Variants in ZNF549 observed in about 807,000 individuals in gnomAD.
ZNF549 encodes zinc finger protein 549.
Under a neutral mutation model 11.1 loss-of-function variants are expected in ZNF549, and 11 were observed. The observed-to-expected ratio is 0.99, with a 90% confidence interval of 0.62 to 1.64. ZNF549 has a LOEUF of 1.64. Among genes scored for constraint, ZNF549 ranks in the 40% most tolerant of loss-of-function variants. ZNF549 has a pLI of 0.00. For synonymous variants in ZNF549, 266 were observed against 269.1 expected, an observed-to-expected ratio of 0.99 and a Z score of 0.11; for missense variants, 748 against 765.1, an observed-to-expected ratio of 0.98 and a Z score of 0.26.
Position 57,539,649 on chromosome 19 carries a change from G to T in ZNF549, c.*722G>T, listed in dbSNP as rs1568591800. 6.6e-6 allele frequency: 1 copy of T among 152,172 alleles called. No homozygotes were observed. The highest frequency in any genetic ancestry group is 1.5e-5 in the Non-Finnish European group (1 of 68,032). 9.4% of individuals were successfully genotyped at this position (152,172 alleles called of 1,614,324 possible). On this transcript the variant is annotated 3_prime_UTR_variant, in exon 4 of 4. Transcript: ENST00000376233. ...GGTCCAGAGGTCTCCCTGAGAAGAG[G>T]CATTTGTGACAAACTCAAGTGCTGG...
At chr19:57,532,208 ATT>A (rs2089907166) in intron 2 of ZNF549, among the ~76,000 whole-genome samples, 3 of 152,090 alleles carry the variant, frequency 2.0e-5, no homozygotes, top group African/African-American at 7.2e-5. Flanking sequence ...TTTCTAGTAA[ATT>A]TATTAAGATG....
chr19:57,538,406 A>G lies in ZNF549; in HGVS notation c.1402A>G (p.Thr468Ala). The part of the protein sequence containing the change: ...SDYMRHQRIH[T>A]GERAYECSDC... ...CTACATGCGACACCAGAGAATTCAC[A>G]CTGGAGAAAGGGCTTATGAATGCAG... Residue 468 changes from threonine (T) to alanine (A), a missense_variant, in exon 4 of 4, where the codon ACT becomes GCT. By Grantham distance (58) the Thr-to-Ala change is moderately conservative. Coordinates refer to ENST00000376233, the MANE Select transcript of ZNF549 (RefSeq NM_001199295.2). 1 of 1,614,200 alleles carries G rather than the reference A, an allele frequency of 6.2e-7. No individual in the cohort carries two copies. Among genetic ancestry groups the G allele is most frequent in the Non-Finnish European group, 8.5e-7 (1 of 1,180,026 alleles).
Position 57,538,230 on chromosome 19 carries a change from G to C in ZNF549, c.1226G>C (p.Arg409Thr). Residue 409 changes from arginine (R) to threonine (T), a missense_variant, in exon 4 of 4, where the codon AGA becomes ACA. By Grantham distance (71) the Arg-to-Thr change is moderately conservative (BLOSUM62 -1). Transcript: ENST00000376233. The part of the protein sequence containing the change: ...IYKQSLLDHH[R>T]IHTGERPYEC... ...AAACAGTCACTTCTTGATCACCATA[G>C]AATCCACACGGGAGAAAGGCCTTAT... The C allele has an allele frequency of 6.2e-7, 1 of 1,613,684 alleles. No homozygotes were observed. Among genetic ancestry groups the C allele is most frequent in the East Asian group, 2.2e-5 (1 of 44,842 alleles).
chr19:57,539,294 C>G lies in ZNF549; in HGVS notation c.*367C>G, dbSNP rs1021714516. ...GGCAAAGACAAAACCCAACTTTGAC[C>G]AAGAAGAGCAATCTGGATTCTTGTA... On this transcript the variant is annotated 3_prime_UTR_variant, in exon 4 of 4. Transcript: ENST00000376233. The G allele has an allele frequency of 2.9e-5, 5 of 172,244 alleles. No homozygotes were observed. The highest frequency in any genetic ancestry group is 5.6e-5 in the Admixed American group (1 of 17,876). The allele number at this position is 172,244 out of a possible 1,614,324, so 10.7% of individuals were successfully genotyped here.
chr19:57,533,761 G>A (rs921221438), intron 2 of ZNF549, among the ~76,000 whole-genome samples: 1 of 152,228 alleles, frequency 6.6e-6, no homozygotes, highest in African/African-American at 2.4e-5. Flanking sequence ...TCTCCTGTAT[G>A]CCCTCGTTTG....
chr19:57,528,829 T>G (rs1290741043), intron 1 of ZNF549, among the ~76,000 whole-genome samples: 2 of 152,236 alleles, frequency 1.3e-5, no homozygotes, highest in Non-Finnish European at 2.9e-5. Flanking sequence ...AAGCAATTAG[T>G]TAACCGAATA....
rs772463756 is a variant in ZNF549 at position 57,538,679 on chromosome 19, T to C, written c.1675T>C (p.Cys559Arg). The C allele has an allele frequency of 7.1e-5, 115 of 1,614,060 alleles. No individual in the cohort carries two copies. The highest frequency in any genetic ancestry group is 9.7e-5 in the Non-Finnish European group (114 of 1,180,036). ...TCACACTGGCGAAAAGCCCTGTGAG[T>C]GCAGTGAATGTGGGAAATGCTTTAG... ...KVHTGEKPCE[C>R]SECGKCFRHR... Residue 559 changes from cysteine to arginine, a missense_variant, in exon 4 of 4, where the codon TGC becomes CGC. Coordinates refer to ENST00000376233, the MANE Select transcript of ZNF549 (RefSeq NM_001199295.2).
rs1465601560 is a variant in ZNF549, at chr19:57,539,323, C to T, written c.*396C>T. On this transcript the variant is annotated 3_prime_UTR_variant, in exon 4 of 4. Transcript: ENST00000376233. ...AAGAGCAATCTGGATTCTTGTAGCC[C>T]ATGGAGGTTTACCTTCTTCATAGGT... The T allele has an allele frequency of 6.1e-6, 1 of 164,584 alleles. No individual in the cohort carries two copies. Among genetic ancestry groups the T allele is most frequent in the African/African-American group, 2.4e-5 (1 of 41,580 alleles). 10.2% of individuals were successfully genotyped at this position (164,584 alleles called of 1,614,324 possible). A position where few individuals can be genotyped will look rare whatever the true frequency, so the allele number is the denominator to read the frequency against.
chr19:57,535,127 C>A lies in ZNF549; in HGVS notation c.73-17C>A. The A allele has an allele frequency of 6.2e-7, 1 of 1,612,500 alleles. No homozygotes were observed. Among genetic ancestry groups the A allele is most frequent in the Non-Finnish European group, 8.5e-7 (1 of 1,179,008 alleles). ...GGATTGAGTCTGCTCATGATTTCATCTGCCCCCATCATGCAGGGCCATGTG... is the reference window on the plus strand; with the variant it reads ...GGATTGAGTCTGCTCATGATTTCATATGCCCCCATCATGCAGGGCCATGTG... On this transcript the variant is annotated splice_polypyrimidine_tract_variant and intron_variant, in intron 2 of 3. Coordinates refer to ENST00000376233, the MANE Select transcript of ZNF549 (RefSeq NM_001199295.2).
intron 2 of ZNF549, among the ~76,000 whole-genome samples, chr19:57,532,747 G>T (rs1450952200): frequency 6.6e-6 from 1 of 152,212 alleles, no homozygotes; most frequent in Non-Finnish European, 1.5e-5. Flanking sequence ...ATTATGTCCA[G>T]TTGATTGATG....
intron 2 of ZNF549, among the ~76,000 whole-genome samples, chr19:57,531,772 C>T (rs1246154601): frequency 6.6e-6 from 1 of 152,150 alleles, no homozygotes; most frequent in Non-Finnish European, 1.5e-5. Context: ...ACGGATGATT[C>T]ACGTCTTGGG....
At position 57,538,154 on chromosome 19, in the gene ZNF549, A is replaced by G. The variant is rs372405681; in HGVS notation, c.1150A>G (p.Thr384Ala). The change falls in exon 4 of 4, where the codon ACT becomes GCT. Residue 384 changes from threonine to alanine, a missense_variant. Physicochemically the swap from Thr to Ala is moderately conservative, Grantham distance 58. Transcript: ENST00000376233. ...YDRIRHQRVH[T>A]GEGAYQCSEC... ...CCGCATTCGACACCAGAGAGTTCAC[A>G]CTGGAGAAGGGGCTTATCAGTGCAG... The G allele has an allele frequency of 1.2e-6, 2 of 1,614,224 alleles. No homozygotes were observed. The highest frequency in any genetic ancestry group is 1.3e-5 in the African/African-American group (1 of 75,064).
intron 2 of ZNF549, among the ~76,000 whole-genome samples, chr19:57,533,428 G>A (rs1406693250): frequency 6.6e-6 from 1 of 152,164 alleles, no homozygotes; most frequent in Non-Finnish European, 1.5e-5. Context: ...CTGATTAACT[G>A]TTGTCTCCCA....
intron 1 of ZNF549, among the ~76,000 whole-genome samples, chr19:57,528,645 T>C (rs1408351229): frequency 6.6e-6 from 1 of 152,102 alleles, no homozygotes; most frequent in East Asian, 1.9e-4. Flanking sequence ...AGGATGGATT[T>C]GAGGGTGGGA....
In ZNF549 at chr19:57,538,998, C is replaced by A; in HGVS notation, c.*71C>A. 1 of 1,492,816 alleles carries A rather than the reference C, an allele frequency of 6.7e-7. No homozygotes were observed. The allele number at this position is 1,492,816 out of a possible 1,614,324, so 92.5% of individuals were successfully genotyped here. On this transcript the variant is annotated 3_prime_UTR_variant, in exon 4 of 4. Transcript: ENST00000376233. ...AGAGCTGATTTTTCAAGGGATCCAA[C>A]AGACAGAAATTCACCCTCATACATC...
chr19:57,535,332 G>A, intron 3 of ZNF549, 62 bp downstream of exon 3: 1 of 1,541,778 alleles, frequency 6.5e-7, no homozygotes, highest in Non-Finnish European at 8.8e-7. Flanking sequence ...CCTTTTTCCA[G>A]GAGTTTCCTG....
intron 1 of ZNF549, among the ~76,000 whole-genome samples, chr19:57,529,552 G>C (rs540315577): frequency 6.6e-6 from 1 of 152,278 alleles, no homozygotes; most frequent in South Asian, 2.1e-4. Flanking sequence ...ATGAAGAAGG[G>C]ACTAAACTCG....
At chr19:57,536,464 G>A (rs116256450) in intron 3 of ZNF549, among the ~76,000 whole-genome samples, 1 of 152,098 alleles carries the variant, frequency 6.6e-6, no homozygotes, top group Non-Finnish European at 1.5e-5. Flanking sequence ...TGTCACTTTC[G>A]TATCATCATA....
rs1476267270 is a variant in ZNF549, at chr19:57,539,915, G to A, written c.*988G>A. The stretch of plus-strand genomic sequence containing the variant: ...AAGAGTGAATGTGTCCCATCCAAAG[G>A]TGCATCCAGATATGTCTGTGTTACT... On this transcript the variant is annotated 3_prime_UTR_variant, in exon 4 of 4. Transcript: ENST00000376233. 1.3e-5 allele frequency: 2 copies of A among 152,212 alleles called. No homozygotes were observed. Among genetic ancestry groups the A allele is most frequent in the Admixed American group, 6.5e-5 (1 of 15,272 alleles). 9.4% of individuals were successfully genotyped at this position (152,212 alleles called of 1,614,324 possible).
Sources: gnomAD v4.1 joint callset for allele counts (sites outside exome capture counted in the v4.1 genomes callset) on GRCh38, gnomAD v4.1.1 for gene constraint, MANE v1.5 for transcripts, NCBI Gene and HGNC (gene_info 2026-07-23, HGNC 2026-07-21) for gene names.